The following DDX50 variants were observed in gnomAD, a reference collection of about 807,000 sequenced individuals.
The protein encoded by DDX50 is ATP-dependent RNA helicase DDX50.
DDX50 carries 56 observed loss-of-function variants against 94.8 expected under a neutral mutation model. The ratio of observed to expected loss-of-function variants is 0.59; its 90% CI spans 0.48 to 0.74. The LOEUF is 0.74. DDX50 is among the 30% of genes least tolerant of loss of function. DDX50 has a pLI of 0.00. For missense variants in DDX50, 713 were observed against 881.2 expected, an observed-to-expected ratio of 0.81 and a Z score of 2.42; for synonymous variants, 264 against 295.4, an observed-to-expected ratio of 0.89 and a Z score of 1.09.
In DDX50 at chr10:68,909,939, G is replaced by C. The variant is rs1023504166; in HGVS notation, c.385-368G>C. On this transcript the variant is annotated intron_variant, in intron 2 of 14. Coordinates refer to ENST00000373585, the MANE Select transcript of DDX50 (RefSeq NM_024045.2). ...GGCCTCCCAAAGTGCTGGGATTACG[G>C]GCATGAGCCACCGCACCTGGCCAGG... Among the ~76,000 whole-genome samples, 281 of 152,252 alleles carry C rather than the reference G, an allele frequency of 1.8e-3. 8 individuals carry two copies. Among genetic ancestry groups the C allele is most frequent in the East Asian group, 5.8e-4 (3 of 5,176 alleles).
At chr10:68,914,372 AGAATAAATAG>A in intron 7 of DDX50, 168 bp downstream of exon 7, 1 of 715,648 alleles carries the variant, frequency 1.4e-6, no homozygotes, top group Non-Finnish European at 2.2e-6. Flanking sequence ...GTAGCAGAAT[AGAATAAATAG>A]GGGGAAAAAA....
chr10:68,938,289 G>A (rs1433876584), intron 12 of DDX50, among the ~76,000 whole-genome samples: 1 of 152,212 alleles, frequency 6.6e-6, no homozygotes, highest in Non-Finnish European at 1.5e-5. Flanking sequence ...GTGTGGAGGG[G>A]TTGTGTAAGT....
chr10:68,936,515 AATATATAT>A (rs869117307), intron 11 of DDX50, among the ~76,000 whole-genome samples: 4,013 of 52,900 alleles, frequency 0.076, 381 homozygotes, highest in Non-Finnish European at 0.082. Context: ...AAAAAAAAAA[AATATATAT>A]ATATATATAT....
At chr10:68,918,684 C>T (rs1841867870) in intron 7 of DDX50, among the ~76,000 whole-genome samples, 1 of 152,136 alleles carries the variant, frequency 6.6e-6, no homozygotes, top group Admixed American at 6.6e-5. Flanking sequence ...GCCTTGGCCT[C>T]CCAAAGTGCT....
rs758853903 is a variant in DDX50, at chr10:68,934,249, A to T, written c.1290A>T (p.Thr430=). The change falls in exon 9 of 15, where the codon ACA becomes ACT. Residue 430 remains threonine, a synonymous_variant. Coordinates refer to ENST00000373585, the MANE Select transcript of DDX50 (RefSeq NM_024045.2). This position sits in a 1 kb window ranked among gnomAD's most constrained non-coding sequence, Gnocchi z 4.0. The stretch of plus-strand genomic sequence containing the variant: ...TTGCACAGTCACAAAGAGAAATTAC[A>T]CTAAAAGGCTTCAGAGAAGGTAGTT... The part of the protein sequence containing the change: ...GDIAQSQREI[T]LKGFREGSFK... 1 of 1,612,622 alleles carries T rather than the reference A, an allele frequency of 6.2e-7. No homozygotes were observed. The highest frequency in any genetic ancestry group is 2.2e-5 in the East Asian group (1 of 44,882).
At chr10:68,936,853 T>A in intron 11 of DDX50, 83 bp from the exon 12 acceptor site, 1 of 1,370,148 alleles carries the variant, frequency 7.3e-7, no homozygotes, top group Non-Finnish European at 9.9e-7. Flanking sequence ...AAAAAAAAAA[T>A]TACTCCTTCT....
rs202146235 is a variant in DDX50 at position 68,914,071 on chromosome 10, A to G, written c.956A>G (p.Asn319Ser). Residue 319 changes from asparagine (N) to serine (S), a missense_variant, in exon 7 of 15, where the codon AAT becomes AGT. Physicochemically the swap from Asn to Ser is conservative, Grantham distance 46 (BLOSUM62 1). Transcript: ENST00000373585. ...TTGTTTATTTAAGATTCTGAAGACAATCCTCAGACTTTACTTTTTTCTGCA... is the reference window on the plus strand; with the variant it reads ...TTGTTTATTTAAGATTCTGAAGACAGTCCTCAGACTTTACTTTTTTCTGCA... ...HESYKTDSED[N>S]PQTLLFSATC... The G allele has an allele frequency of 3.2e-5, 51 of 1,591,254 alleles. No homozygotes were observed. Among genetic ancestry groups the G allele is most frequent in the East Asian group, 4.6e-5 (2 of 43,952 alleles).
chr10:68,915,533 T>C (rs993397682), intron 7 of DDX50, among the ~76,000 whole-genome samples: 4 of 152,030 alleles, frequency 2.6e-5, no homozygotes, highest in South Asian at 2.1e-4. Flanking sequence ...CTGGCCAACA[T>C]GGCGATACCT....
At chr10:68,916,234 G>T (rs1037147532) in intron 7 of DDX50, among the ~76,000 whole-genome samples, 1 of 151,478 alleles carries the variant, frequency 6.6e-6, no homozygotes, top group African/African-American at 2.4e-5. Context: ...CACGCCTGTA[G>T]TCCCAACTAC....
At chr10:68,945,264 T>C in intron 14 of DDX50, among the ~76,000 whole-genome samples, 1 of 151,986 alleles carries the variant, frequency 6.6e-6, no homozygotes, top group East Asian at 1.9e-4. Context: ...AGTACCAGTA[T>C]TGGAAAGAAA....
intron 8 of DDX50, among the ~76,000 whole-genome samples, chr10:68,921,262 G>A (rs190776929): frequency 6.6e-6 from 1 of 151,150 alleles, no homozygotes; most frequent in African/African-American, 2.4e-5. Flanking sequence ...ATTATCAATT[G>A]TCTTACAAAT....
intron 2 of DDX50, among the ~76,000 whole-genome samples, chr10:68,908,618 CTG>C (rs1355816963): frequency 2.1e-5 from 3 of 142,840 alleles, no homozygotes; most frequent in East Asian, 4.0e-4. Context: ...TCTGTTTCCT[CTG>C]TAGTTTTTAA....
chr10:68,922,495 C>G (rs1417526297), intron 8 of DDX50, among the ~76,000 whole-genome samples: 1 of 151,994 alleles, frequency 6.6e-6, no homozygotes, highest in Non-Finnish European at 1.5e-5. Flanking sequence ...TTTATTACAG[C>G]ATTAAAATTT....
intron 4 of DDX50, among the ~76,000 whole-genome samples, chr10:68,911,470 T>G (rs145978866): frequency 2.9e-4 from 44 of 152,340 alleles, no homozygotes; most frequent in Admixed American, 2.1e-3. Flanking sequence ...TCTTTGATAA[T>G]TTCATGAATT....
intron 8 of DDX50, among the ~76,000 whole-genome samples, chr10:68,931,581 C>T (rs1046178250): frequency 2.7e-5 from 4 of 150,940 alleles, no homozygotes; most frequent in Admixed American, 2.0e-4. Context: ...GCTAGGATTA[C>T]AGGCGCCCGC....
At position 68,944,260 on chromosome 10, in the gene DDX50, C is replaced by T. The variant is rs139954998; in HGVS notation, c.1935+1003C>T. Among the ~76,000 whole-genome samples, 383 of 152,138 alleles carry T rather than the reference C, an allele frequency of 2.5e-3. 1 individual carries two copies. The highest frequency in any genetic ancestry group is 6.7e-3 in the African/African-American group (280 of 41,522). On this transcript the variant is annotated intron_variant, in intron 14 of 14. Transcript: ENST00000373585. ...GATTGTAATTTGATGTTTCTTAAGT[C>T]TCTTTTAATCTATAGGTTCTTCCTC...
intron 5 of DDX50, 55 bp from the exon 6 acceptor site, chr10:68,913,336 A>C: frequency 6.2e-7 from 1 of 1,601,806 alleles, no homozygotes; most frequent in Non-Finnish European, 8.5e-7. Flanking sequence ...ATATTTAAAT[A>C]AATAATGTGA....
rs367657017 is a variant in DDX50 at position 68,946,648 on chromosome 10, T to C, written c.*18T>C. 3 of 1,605,102 alleles carry C rather than the reference T, an allele frequency of 1.9e-6. No homozygotes were observed. In the African/African-American group the frequency reaches 4.0e-5, roughly 21 times the overall value. ...TTGACTGAGTATTTGATAGTTAATC[T>C]ACCAGTGTGAGCTTGCCTATTTCTG... On this transcript the variant is annotated 3_prime_UTR_variant, in exon 15 of 15. Transcript: ENST00000373585.
At chr10:68,906,591 C>G in intron 1 of DDX50, 120 bp from the exon 2 acceptor site, 1 of 1,060,560 alleles carries the variant, frequency 9.4e-7, no homozygotes, top group Non-Finnish European at 1.4e-6. Flanking sequence ...TTCTACCAGG[C>G]AGGTTTTCAA....
Sources: allele counts gnomAD v4.1 joint callset (sites outside exome capture counted in the v4.1 genomes callset), GRCh38; gene constraint gnomAD v4.1.1; non-coding constraint Gnocchi (gnomAD v3.1); transcripts MANE v1.5; gene names NCBI Gene and HGNC (gene_info 2026-07-23, HGNC 2026-07-21).